The following OLFM3 variants were observed in gnomAD, a reference collection of about 807,000 sequenced individuals.
OLFM3 encodes olfactomedin 3.
In OLFM3, 20 loss-of-function variants were observed where a neutral mutation model predicts 48.6. The ratio of observed to expected loss-of-function variants is 0.41; its 90% confidence interval spans 0.29 to 0.60. The LOEUF is 0.60. Among genes scored for constraint, OLFM3 ranks in the 20% least tolerant of loss-of-function variants. The probability of loss-of-function intolerance (pLI) is 0.28; values close to 1 mark genes in which losing one functional copy is unlikely to be tolerated. For synonymous variants in OLFM3, 222 were observed against 198.1 expected (o/e 1.12, Z -1.01); for missense variants, 437 against 544.3 (o/e 0.80, Z 1.96).
intron 1 of OLFM3, among the ~76,000 whole-genome samples, chr1:101,950,594 A>G (rs1167683226): frequency 6.8e-6 from 1 of 148,126 alleles, no homozygotes; most frequent in African/African-American, 2.5e-5. Flanking sequence ...GCCTGCCACC[A>G]CTCCCGGCTA....
At chr1:101,910,872 G>A (rs939711217) in intron 1 of OLFM3, among the ~76,000 whole-genome samples, 10 of 152,134 alleles carry the variant, frequency 6.6e-5, no homozygotes, top group Non-Finnish European at 1.5e-4. Context: ...TATATTTAAA[G>A]CTTCTGAAAT....
At chr1:101,848,506 C>T (rs1247099913) in intron 1 of OLFM3, among the ~76,000 whole-genome samples, 1 of 110,272 alleles carries the variant, frequency 9.1e-6, no homozygotes, top group Non-Finnish European at 1.9e-5. Flanking sequence ...AGAATCCAGG[C>T]CATTTTTTTT....
intron 1 of OLFM3, among the ~76,000 whole-genome samples, chr1:101,896,626 C>T (rs920707111): frequency 6.7e-6 from 1 of 149,366 alleles, no homozygotes; most frequent in Admixed American, 6.7e-5. Flanking sequence ...TCCCCAGTAG[C>T]TGGGACTACA....
intron 1 of OLFM3, among the ~76,000 whole-genome samples, chr1:101,996,310 GTA>G: frequency 6.6e-6 from 1 of 152,270 alleles, no homozygotes; most frequent in East Asian, 1.9e-4. Flanking sequence ...TGCGATGGGA[GTA>G]TTATTGACCA....
intron 1 of OLFM3, among the ~76,000 whole-genome samples, chr1:101,988,786 C>A (rs1391736083): frequency 6.6e-6 from 1 of 151,850 alleles, no homozygotes; most frequent in African/African-American, 2.4e-5. Context: ...GGATAAAATA[C>A]AATAAATGAA....
At chr1:101,978,457 C>T (rs1312879192) in intron 1 of OLFM3, among the ~76,000 whole-genome samples, 1 of 151,954 alleles carries the variant, frequency 6.6e-6, no homozygotes, top group Admixed American at 6.6e-5. Flanking sequence ...TCTTCTCATT[C>T]AGTTTTTCAA....
At chr1:101,993,185 C>T (rs896949243) in intron 1 of OLFM3, among the ~76,000 whole-genome samples, 1 of 152,118 alleles carries the variant, frequency 6.6e-6, no homozygotes, top group African/African-American at 2.4e-5. Flanking sequence ...GTGTTTGAAA[C>T]CTGCTCAGTC....
intron 1 of OLFM3, among the ~76,000 whole-genome samples, chr1:101,993,341 A>G (rs371863076): frequency 3.9e-5 from 6 of 152,144 alleles, no homozygotes; most frequent in African/African-American, 1.2e-4. Flanking sequence ...TCTACCATCA[A>G]GGTCATTACT....
chr1:101,981,757 A>T (rs1382577975), intron 1 of OLFM3, among the ~76,000 whole-genome samples: 2 of 152,326 alleles, frequency 1.3e-5, no homozygotes, highest in Non-Finnish European at 2.9e-5. Flanking sequence ...AATTTTGGGA[A>T]TTATTTCCCT....
chr1:101,913,939 T>C (rs115541884), intron 1 of OLFM3, among the ~76,000 whole-genome samples: 2,284 of 152,284 alleles, frequency 0.015, 64 homozygotes, highest in African/African-American at 0.053. Flanking sequence ...GAACCCATTG[T>C]AAAACTCCAA....
intron 4 of OLFM3, among the ~76,000 whole-genome samples, chr1:101,820,340 T>TGGAAAGCC (rs1288007332): frequency 1.3e-5 from 2 of 152,080 alleles, no homozygotes; most frequent in African/African-American, 4.8e-5. Context: ...ACTGGAAAGC[T>TGGAAAGCC]GGAAAGCCTT....
At chr1:101,822,304 G>C (rs530289765) in intron 4 of OLFM3, among the ~76,000 whole-genome samples, 1 of 152,062 alleles carries the variant, frequency 6.6e-6, no homozygotes, top group East Asian at 1.9e-4. Flanking sequence ...GTTGTTTTTT[G>C]TGTTGTTCAT....
intron 1 of OLFM3, among the ~76,000 whole-genome samples, chr1:101,943,148 A>C (rs576215417): frequency 1.3e-5 from 2 of 152,306 alleles, no homozygotes; most frequent in Admixed American, 1.3e-4. Context: ...TTATTTTATA[A>C]ATTGTATTAA....
intron 4 of OLFM3, among the ~76,000 whole-genome samples, chr1:101,815,636 A>G (rs953544759): frequency 6.6e-6 from 1 of 152,102 alleles, no homozygotes; most frequent in African/African-American, 2.4e-5. Context: ...CAAAGATAAC[A>G]TCTAGATTTT....
chr1:101,890,207 TTA>T (rs1225735612), intron 1 of OLFM3, among the ~76,000 whole-genome samples: 1 of 152,042 alleles, frequency 6.6e-6, no homozygotes, highest in African/African-American at 2.4e-5. Flanking sequence ...CATGTTAAAA[TTA>T]TGTCTTTCAA....
chr1:101,859,562 T>C (rs1656566548), intron 1 of OLFM3, among the ~76,000 whole-genome samples: 1 of 152,156 alleles, frequency 6.6e-6, no homozygotes, highest in African/African-American at 2.4e-5. Flanking sequence ...AGAAGTGTTT[T>C]GGATTTTGAA....
intron 1 of OLFM3, among the ~76,000 whole-genome samples, chr1:101,928,773 C>T (rs1659355481): frequency 6.6e-6 from 1 of 152,008 alleles, no homozygotes; most frequent in South Asian, 2.1e-4. Context: ...TTCTAAAAAC[C>T]TTTTAAGTTA....
At chr1:101,846,907 A>G in intron 1 of OLFM3, 3 of 1,612,798 alleles carry the variant, frequency 1.9e-6, no homozygotes, top group Non-Finnish European at 2.5e-6. Context: ...AGAGTTTGGG[A>G]CATCCAGTTT....
In OLFM3 at chr1:101,846,570, C is replaced by T. The variant is rs140347626; in HGVS notation, c.70-9545G>A. ...ATATATATATATTTTTAAGAATTGC[C>T]CAAGCTTCCAAGTAATATAGTTAAA... On this transcript the variant is annotated intron_variant, in intron 1 of 5. Coordinates refer to ENST00000370103, the MANE Select transcript of OLFM3 (RefSeq NM_058170.4). 1.2e-3 allele frequency among the ~76,000 whole-genome samples: 180 copies of T among 151,756 alleles called. 1 individual carries two copies. Among genetic ancestry groups the T allele is most frequent in the African/African-American group, 4.1e-3 (168 of 41,438 alleles).
Sources: allele counts gnomAD v4.1 joint callset (sites outside exome capture counted in the v4.1 genomes callset), GRCh38; gene constraint gnomAD v4.1.1; transcripts MANE v1.5; gene names NCBI Gene and HGNC (gene_info 2026-07-23, HGNC 2026-07-21).